The following LCORL variants were observed in gnomAD, a reference collection of about 807,000 sequenced individuals.
LCORL encodes ligand-dependent nuclear receptor corepressor-like protein.
In LCORL, 41 loss-of-function variants were observed where a neutral mutation model predicts 141.8. That is an observed-to-expected ratio of 0.29 (90% confidence interval 0.23 to 0.38). The LOEUF is 0.38. Ranked by LOEUF, LCORL falls within the 10% of genes least tolerant of loss-of-function variation. The pLI, the probability that LCORL is intolerant of heterozygous loss-of-function variation, is 1.00. For missense variants in LCORL, 1,759 were observed against 2,035.0 expected, an observed-to-expected ratio of 0.86 and a Z score of 2.61; for synonymous variants, 618 against 694.1, an observed-to-expected ratio of 0.89 and a Z score of 1.72.
At chr4:17,901,250 A>T (rs867217254) in intron 5 of LCORL, among the ~76,000 whole-genome samples, 1 of 152,058 alleles carries the variant, frequency 6.6e-6, no homozygotes, top group African/African-American at 2.4e-5. Flanking sequence ...AGTGAGAGAG[A>T]GCCCAAAAGT....
At chr4:17,969,897 C>A (rs1198038354) in intron 2 of LCORL, among the ~76,000 whole-genome samples, 1 of 152,104 alleles carries the variant, frequency 6.6e-6, no homozygotes, top group Non-Finnish European at 1.5e-5. Context: ...GGAATGGGTA[C>A]ATTTTGGAGT....
intron 7 of LCORL, among the ~76,000 whole-genome samples, chr4:17,872,082 T>C (rs1224452157): frequency 1.3e-5 from 2 of 151,924 alleles, no homozygotes; most frequent in African/African-American, 4.8e-5. Context: ...GTAGTAAAAA[T>C]AAAGCCAATA....
At chr4:17,876,820 T>G (rs1291337714) in exon 7 of LCORL, 4 of 1,230,632 alleles carry the variant, frequency 3.3e-6, no homozygotes, top group Non-Finnish European at 4.1e-6. Context: ...TCAGGGGAAG[T>G]TGTTTTAAAG....
chr4:17,955,955 G>A (rs1202915732), intron 4 of LCORL, among the ~76,000 whole-genome samples: 1 of 151,912 alleles, frequency 6.6e-6, no homozygotes, highest in Non-Finnish European at 1.5e-5. Flanking sequence ...AAAAAAGACT[G>A]GATACCTGCA....
At chr4:17,854,794 T>C (rs1724162582) in intron 7 of LCORL, among the ~76,000 whole-genome samples, 2 of 152,322 alleles carry the variant, frequency 1.3e-5, no homozygotes, top group African/African-American at 2.4e-5. Context: ...ATAGACTTTT[T>C]CTCTACTTGC....
chr4:17,854,046 T>C (rs1382449894), intron 7 of LCORL, among the ~76,000 whole-genome samples: 2 of 152,060 alleles, frequency 1.3e-5, no homozygotes, highest in African/African-American at 4.8e-5. Context: ...AAGGGAAAGA[T>C]TAATCCCAGC....
intron 1 of LCORL, among the ~76,000 whole-genome samples, chr4:18,001,671 C>T (rs569852153): frequency 6.4e-4 from 98 of 152,266 alleles, no homozygotes; most frequent in East Asian, 9.6e-4. Flanking sequence ...CAGTATGCAA[C>T]TATTTTTGAG....
At chr4:17,951,385 CA>C (rs1376382133) in intron 4 of LCORL, among the ~76,000 whole-genome samples, 1 of 152,100 alleles carries the variant, frequency 6.6e-6, no homozygotes, top group African/African-American at 2.4e-5. Context: ...TAGAGAAAAA[CA>C]AACATTCTAT....
intron 4 of LCORL, 21 bp downstream of exon 4, chr4:17,961,882 G>T: frequency 1.3e-6 from 2 of 1,588,736 alleles, no homozygotes; most frequent in South Asian, 1.2e-5. Context: ...AATTTTAAAT[G>T]ACAAAGCATA....
chr4:17,846,549 C>G (rs1560243681), intron 7 of LCORL, among the ~76,000 whole-genome samples: 1 of 152,136 alleles, frequency 6.6e-6, no homozygotes, highest in African/African-American at 2.4e-5. Flanking sequence ...GAGCATGCGG[C>G]ATCCACAGGA....
rs567498935 is a variant in LCORL at position 17,858,729 on chromosome 4, A to AAATAATAATAATAAT, written c.5603-12843_5603-12829dup. Among the ~76,000 whole-genome samples the AAATAATAATAATAAT allele has an allele frequency of 5.2e-3, 781 of 149,150 alleles. 9 individuals carry two copies. The highest frequency in any genetic ancestry group is 0.018 in the African/African-American group (745 of 40,466). On this transcript the variant is annotated intron_variant, in intron 7 of 7. Coordinates refer to ENST00000635767, the Ensembl canonical transcript of LCORL. ...GGCAACAAGAGTGAAACTCCATCTCAAATAATAATAATAATAATAATAATA... is the reference window on the plus strand; with the variant it reads ...GGCAACAAGAGTGAAACTCCATCTCAAATAATAATAATAATAATAATAATAATAATAATAATAATA...
chr4:17,900,484 C>T (rs13105585), intron 5 of LCORL, among the ~76,000 whole-genome samples: 18,688 of 152,214 alleles, frequency 0.12, 1,282 homozygotes, highest in South Asian at 0.24. Context: ...AAACTCACTT[C>T]TTTATGGAGG....
At chr4:17,852,850 A>G (rs1481051833) in intron 7 of LCORL, among the ~76,000 whole-genome samples, 1 of 152,124 alleles carries the variant, frequency 6.6e-6, no homozygotes, top group East Asian at 1.9e-4. Context: ...TCTTCACAAA[A>G]GTAAAATTGT....
intron 7 of LCORL, among the ~76,000 whole-genome samples, chr4:17,851,791 T>C (rs913813774): frequency 6.6e-6 from 1 of 152,188 alleles, no homozygotes; most frequent in African/African-American, 2.4e-5. Flanking sequence ...TAACCAACAA[T>C]GTGTGAAGAG....
chr4:17,893,607 T>C (rs975032360), intron 5 of LCORL: 6 of 984,862 alleles, frequency 6.1e-6, no homozygotes, highest in Admixed American at 6.2e-5. Context: ...TACAGGAAAA[T>C]TGTTATTTTC....
intron 1 of LCORL, among the ~76,000 whole-genome samples, chr4:18,012,743 CTAATA>C (rs1329629981): frequency 6.6e-6 from 1 of 152,136 alleles, no homozygotes. Flanking sequence ...ATTTCTTTAT[CTAATA>C]TATTTGCCTC....
chr4:17,873,682 G>T, exon 7 of LCORL: 1 of 1,233,856 alleles, frequency 8.1e-7, no homozygotes, highest in Non-Finnish European at 1.0e-6. Context: ...AAAGTAAAGC[G>T]CTTTGATTCT....
chr4:17,900,182 T>G (rs887671377), intron 5 of LCORL, among the ~76,000 whole-genome samples: 3 of 152,082 alleles, frequency 2.0e-5, no homozygotes, highest in Non-Finnish European at 4.4e-5. Context: ...AAAAGTGCAC[T>G]TTTTAAAAAA....
At chr4:17,897,924 T>C (rs1730248089) in intron 5 of LCORL, among the ~76,000 whole-genome samples, 1 of 152,212 alleles carries the variant, frequency 6.6e-6, no homozygotes, top group Non-Finnish European at 1.5e-5. Flanking sequence ...TCAATGCCAC[T>C]GAGTTTTCGT....
Sources: allele counts gnomAD v4.1 joint callset (sites outside exome capture counted in the v4.1 genomes callset), GRCh38; gene constraint gnomAD v4.1.1; transcripts MANE v1.5; gene names NCBI Gene and HGNC (gene_info 2026-07-23, HGNC 2026-07-21).